The following ADIPOQ variants were observed in gnomAD, a reference collection of about 807,000 sequenced individuals.
The protein encoded by ADIPOQ is adiponectin, C1Q and collagen domain containing.
In ADIPOQ, 19 loss-of-function variants were observed where a neutral mutation model predicts 16.1. That is an observed-to-expected ratio of 1.18 (90% CI 0.82 to 1.73). The LOEUF (loss-of-function observed/expected upper bound fraction) is 1.73. Ranked by LOEUF, ADIPOQ falls within the 40% of genes most tolerant of loss-of-function variation. The pLI, the probability that ADIPOQ is intolerant of heterozygous loss-of-function variation, is 0.00. For synonymous variants in ADIPOQ, 124 were observed against 125.5 expected (o/e 0.99, Z 0.08); for missense variants, 323 against 308.3 (o/e 1.05, Z -0.36).
chr3:186,846,768 C>T (rs145905885), intron 1 of ADIPOQ, among the ~76,000 whole-genome samples: 32 of 152,266 alleles, frequency 2.1e-4, no homozygotes, highest in African/African-American at 7.2e-4. Flanking sequence ...GAGAACATCA[C>T]GGTCATCCCC....
chr3:186,849,734 T>C (rs1711683908), intron 1 of ADIPOQ, among the ~76,000 whole-genome samples: 1 of 152,240 alleles, frequency 6.6e-6, no homozygotes, highest in African/African-American at 2.4e-5. Context: ...TAGAACCTGA[T>C]ATTTGATAAA....
In ADIPOQ at chr3:186,844,511, C is replaced by CAAA. The variant is rs33955672; in HGVS notation, c.-9+1779_-9+1781dup. Among the ~76,000 whole-genome samples, 333 of 122,436 alleles carry CAAA rather than the reference C, an allele frequency of 2.7e-3. 2 individuals are homozygous for CAAA. The highest frequency in any genetic ancestry group is 8.6e-3 in the African/African-American group (274 of 31,856). The allele number at this position is 122,436 out of a possible 152,430, so 80.3% of individuals were successfully genotyped here. On this transcript the variant is annotated intron_variant, in intron 1 of 2. Transcript: ENST00000320741. ...GGGCAAAAAAAGCAAAACTCCATCTCAAAAAAAAAAAAAAAAAAATAGACA... is the reference window on the plus strand; with the variant it reads ...GGGCAAAAAAAGCAAAACTCCATCTCAAAAAAAAAAAAAAAAAAAAAATAGACA...
chr3:186,853,174 G>A lies in ADIPOQ; in HGVS notation c.116G>A (p.Trp39Ter), dbSNP rs763697595. ...CTGCCCAAGGGGGCCTGCACAGGTT[G>A]GATGGCGGGCATCCCAGGGCATCCG... The part of the protein sequence containing the change: ...LPLPKGACTG[W>*]MAGIPGHPGH... Residue 39 changes from tryptophan to a stop codon, truncating the protein, a stop_gained, in exon 2 of 3, where the codon TGG becomes TAG. Transcript: ENST00000320741. LOFTEE classifies it high-confidence loss of function. 2 of 1,614,168 alleles carry A rather than the reference G, an allele frequency of 1.2e-6. No homozygotes were observed. The highest frequency in any genetic ancestry group is 3.3e-5 in the Admixed American group (2 of 60,026).
In ADIPOQ at chr3:186,852,825, G is replaced by A. The variant is rs1711827957; in HGVS notation, c.-8-226G>A. 5.5e-6 allele frequency: 3 copies of A among 543,238 alleles called. No homozygotes were observed. The African/African-American group carries it at 5.6e-5, about 10-fold the overall frequency. 33.7% of individuals were successfully genotyped at this position (543,238 alleles called of 1,614,324 possible). On this transcript the variant is annotated intron_variant, in intron 1 of 2. Coordinates refer to ENST00000320741, the MANE Select transcript of ADIPOQ (RefSeq NM_004797.4). ...TGAATTCATAATCTTGGTGAGGAAA[G>A]GAGACTACACACAGGGAATAATGCT...
In ADIPOQ at chr3:186,854,831, T is replaced by G; in HGVS notation, c.*127T>G. ...TAGATATTATTCATTCATTTACTCA[T>G]TCATTTATTCATTCATTCATCGAGT... On this transcript the variant is annotated 3_prime_UTR_variant, in exon 3 of 3. Coordinates refer to ENST00000320741, the MANE Select transcript of ADIPOQ (RefSeq NM_004797.4). 1 of 1,284,992 alleles carries G rather than the reference T, an allele frequency of 7.8e-7. No homozygotes were observed. The highest frequency in any genetic ancestry group is 1.1e-6 in the Non-Finnish European group (1 of 909,932). The allele number at this position is 1,284,992 out of a possible 1,614,324, so 79.6% of individuals were successfully genotyped here. A position where few individuals can be genotyped will look rare whatever the true frequency, so the allele number is the denominator to read the frequency against.
At chr3:186,852,961 C>A in intron 1 of ADIPOQ, 90 bp from the exon 2 acceptor site, 1 of 1,382,476 alleles carries the variant, frequency 7.2e-7, no homozygotes, top group South Asian at 1.2e-5. Context: ...GTAGACTCTG[C>A]TGAGATGGAC....
rs1228240442 is a variant in ADIPOQ, at chr3:186,853,256, T to C, written c.198T>C (p.Gly66=). The C allele has an allele frequency of 6.2e-7, 1 of 1,605,922 alleles. No individual in the cohort carries two copies. The highest frequency in any genetic ancestry group is 2.2e-5 in the East Asian group (1 of 44,650). The part of the protein sequence containing the change: ...DGRDGTPGEK[G]EKGDPGLIGP... The stretch of plus-strand genomic sequence containing the variant: ...GAGATGGCACCCCTGGTGAGAAGGG[T>C]GAGAAAGGAGATCCAGGTAAGAATG... The change falls in exon 2 of 3, where the codon GGT becomes GGC. Residue 66 remains glycine (G), a synonymous_variant. Coordinates refer to ENST00000320741, the MANE Select transcript of ADIPOQ (RefSeq NM_004797.4).
intron 2 of ADIPOQ, chr3:186,853,898 A>G (rs979633845): frequency 2.9e-6 from 1 of 341,280 alleles, no homozygotes; most frequent in Non-Finnish European, 5.3e-6. Context: ...AGAATTGCAA[A>G]ACCAGGGTTG....
chr3:186,848,675 T>C (rs1284036204), intron 1 of ADIPOQ, among the ~76,000 whole-genome samples: 5 of 152,184 alleles, frequency 3.3e-5, no homozygotes, highest in Non-Finnish European at 7.3e-5. Context: ...AGCCCTGCTT[T>C]TGACTCTAAT....
rs867169562 is a variant in ADIPOQ at position 186,856,248 on chromosome 3, T to C, written c.*1544T>C. ...TACAGGTTGAGGTAGTTGATGGTGG[T>C]AAACATTCTCTCAGGAGACAATAAC... On this transcript the variant is annotated 3_prime_UTR_variant, in exon 3 of 3. Transcript: ENST00000320741. 7.9e-5 allele frequency: 12 copies of C among 152,338 alleles called. No individual in the cohort carries two copies. The highest frequency in any genetic ancestry group is 3.4e-3 in the Middle Eastern group (1 of 294). 9.4% of individuals were successfully genotyped at this position (152,338 alleles called of 1,614,324 possible). A position where few individuals can be genotyped will look rare whatever the true frequency, so the allele number is the denominator to read the frequency against.
Position 186,856,228 on chromosome 3 carries a change from G to T in ADIPOQ, c.*1524G>T, listed in dbSNP as rs1046160608. ...TATTATTGTTCTTTAAGAATTACAG[G>T]TTGAGGTAGTTGATGGTGGTAAACA... On this transcript the variant is annotated 3_prime_UTR_variant, in exon 3 of 3. Coordinates refer to ENST00000320741, the MANE Select transcript of ADIPOQ (RefSeq NM_004797.4). 6.6e-6 allele frequency: 1 copy of T among 152,186 alleles called. No homozygotes were observed. The highest frequency in any genetic ancestry group is 2.4e-5 in the African/African-American group (1 of 41,454). The allele number at this position is 152,186 out of a possible 1,614,324, so 9.4% of individuals were successfully genotyped here. A position where few individuals can be genotyped will look rare whatever the true frequency, so the allele number is the denominator to read the frequency against.
At position 186,857,212 on chromosome 3, in the gene ADIPOQ, G is replaced by C. The variant is rs1243924017; in HGVS notation, c.*2508G>C. The C allele has an allele frequency of 1.3e-5, 2 of 152,208 alleles. No homozygotes were observed. Among genetic ancestry groups the C allele is most frequent in the Non-Finnish European group, 2.9e-5 (2 of 68,030 alleles). The allele number at this position is 152,208 out of a possible 1,614,324, so 9.4% of individuals were successfully genotyped here. A position where few individuals can be genotyped will look rare whatever the true frequency, so the allele number is the denominator to read the frequency against. ...TGCATCTCATTGCTCTGGCTGAGTT[G>C]TGTGCCTGTTTCTGACCAATCACTG... On this transcript the variant is annotated 3_prime_UTR_variant, in exon 3 of 3. Coordinates refer to ENST00000320741, the MANE Select transcript of ADIPOQ (RefSeq NM_004797.4).
At position 186,849,913 on chromosome 3, in the gene ADIPOQ, G is replaced by C. The variant is rs34265972; in HGVS notation, c.-8-3138G>C. On this transcript the variant is annotated intron_variant, in intron 1 of 2. Coordinates refer to ENST00000320741, the MANE Select transcript of ADIPOQ (RefSeq NM_004797.4). Reference sequence around the variant, plus strand: ...GAAATTTTAACTATATCAAACAATAGAAAAAAACAGAAGAAAATTGAATAC... The same window carrying C: ...GAAATTTTAACTATATCAAACAATACAAAAAAACAGAAGAAAATTGAATAC... Among the ~76,000 whole-genome samples the C allele has an allele frequency of 2.0e-5, 3 of 151,716 alleles. No homozygotes were observed. The South Asian group carries it at 6.2e-4, about 32-fold the overall frequency.
chr3:186,849,898 C>T (rs1261842645), intron 1 of ADIPOQ, among the ~76,000 whole-genome samples: 2 of 144,992 alleles, frequency 1.4e-5, no homozygotes, highest in Admixed American at 6.8e-5. Context: ...GAAATTTTAA[C>T]TATATCAAAC....
At position 186,853,275 on chromosome 3, in the gene ADIPOQ, A is replaced by G; in HGVS notation, c.214+3A>G. 1.3e-6 allele frequency: 2 copies of G among 1,588,830 alleles called. No individual in the cohort carries two copies. The highest frequency in any genetic ancestry group is 1.7e-6 in the Non-Finnish European group (2 of 1,167,026). On this transcript the variant is annotated splice_donor_region_variant and intron_variant, in intron 2 of 2. Transcript: ENST00000320741. ...GAAGGGTGAGAAAGGAGATCCAGGT[A>G]AGAATGTTTCTGGCCTCTTTCATCA...
intron 1 of ADIPOQ, chr3:186,852,114 AAC>A (rs1711793482): frequency 6.6e-6 from 1 of 152,366 alleles, no homozygotes. Context: ...CTATCATGAG[AAC>A]AGCAAGGGAT....
At chr3:186,850,381 G>A (rs561842841) in intron 1 of ADIPOQ, among the ~76,000 whole-genome samples, 45 of 151,982 alleles carry the variant, frequency 3.0e-4, no homozygotes, top group South Asian at 6.2e-4. Flanking sequence ...AGCTGATGAG[G>A]GTAGTTAAGG....
At chr3:186,853,320 T>A (rs1287405164) in intron 2 of ADIPOQ, 48 bp downstream of exon 2, 3 of 1,540,320 alleles carry the variant, frequency 1.9e-6, no homozygotes, top group Non-Finnish European at 2.6e-6. Flanking sequence ...TACACTGATA[T>A]AAACTATATG....
chr3:186,852,248 G>C (rs959724290), intron 1 of ADIPOQ: 5 of 152,420 alleles, frequency 3.3e-5, no homozygotes, highest in African/African-American at 1.2e-4. Context: ...AAACACAGAG[G>C]GGAAAGAACC....
Sources: gnomAD v4.1 joint callset for allele counts (sites outside exome capture counted in the v4.1 genomes callset) on GRCh38, gnomAD v4.1.1 for gene constraint, MANE v1.5 for transcripts, NCBI Gene and HGNC (gene_info 2026-07-23, HGNC 2026-07-21) for gene names.